The following HAUS6 variants were observed in gnomAD, a reference collection of about 807,000 sequenced individuals.
HAUS6 encodes the protein HAUS augmin-like complex subunit 6.
HAUS6 carries 80 observed loss-of-function variants against 106.8 expected under a neutral mutation model. The observed-to-expected ratio is 0.75, with a 90% CI of 0.63 to 0.90. HAUS6 has a LOEUF of 0.90. Among genes scored for constraint, HAUS6 ranks in the 40% least tolerant of loss-of-function variants. HAUS6 has a pLI of 0.00. For synonymous variants in HAUS6, 356 were observed against 379.1 expected (o/e 0.94, Z 0.71); for missense variants, 1,155 against 1,118.1 (o/e 1.03, Z -0.47).
chr9:19,099,017 CAAAAAAA>C (rs377024544), intron 1 of HAUS6, among the ~76,000 whole-genome samples: 1 of 90,686 alleles, frequency 1.1e-5, no homozygotes, highest in Admixed American at 1.2e-4. Flanking sequence ...AACTCCATCT[CAAAAAAA>C]AAAAAAAAAA....
chr9:19,080,525 C>G lies in HAUS6; in HGVS notation c.1018G>C (p.Glu340Gln), dbSNP rs778993432. The G allele has an allele frequency of 1.9e-6, 3 of 1,609,550 alleles. No homozygotes were observed. Among genetic ancestry groups the G allele is most frequent in the Non-Finnish European group, 2.5e-6 (3 of 1,177,760 alleles). ...AATCTTTCCTTCTGAAATTTGGTCT[C>G]TTTTTCAAGGTAGTGAAGGTCTACC... Reference protein sequence around the residue: ...LTVDLHYLEKETKFQKERLSD... With the variant: ...LTVDLHYLEKQTKFQKERLSD... The change falls in exon 9 of 17, where the codon GAG (glutamate) becomes CAG (glutamine). Residue 340 changes from glutamate (E) to glutamine (Q), a missense_variant. Physicochemically the swap from Glu to Gln is conservative, Grantham distance 29. This residue lies in a region of HAUS6 where 761 missense variants were observed against 690.0 expected (regional missense o/e 1.10). Transcript: ENST00000380502.
At chr9:19,062,825 T>G (rs1037943521) in intron 14 of HAUS6, among the ~76,000 whole-genome samples, 183 bp downstream of exon 14, 6 of 152,018 alleles carry the variant, frequency 3.9e-5, no homozygotes, top group Non-Finnish European at 4.4e-5. Flanking sequence ...GCCCCCATGC[T>G]CAACTGTTTT....
intron 1 of HAUS6, among the ~76,000 whole-genome samples, chr9:19,097,202 T>A (rs1468046721): frequency 6.6e-6 from 1 of 152,188 alleles, no homozygotes; most frequent in Admixed American, 6.5e-5. Flanking sequence ...AAGGACTGCA[T>A]GTCTAAAACA....
In HAUS6 at chr9:19,080,495, C is replaced by A; in HGVS notation, c.1048G>T (p.Asp350Tyr). The A allele has an allele frequency of 6.2e-7, 1 of 1,605,942 alleles. No homozygotes were observed. The highest frequency in any genetic ancestry group is 8.5e-7 in the Non-Finnish European group (1 of 1,174,456). The change falls in exon 9 of 17, where the codon GAT becomes TAT. Residue 350 changes from aspartate (D) to tyrosine (Y), a missense_variant. Asp to Tyr is a radical substitution (Grantham distance 160, BLOSUM62 -3). Around this residue, in one of 3 missense-constraint regions of HAUS6, gnomAD observed 761 missense variants for 690.0 expected, o/e 1.10. Transcript: ENST00000380502. ...TTAGTGTACCTCATATGTTTCAGAT[C>A]TGATAATCTTTCCTTCTGAAATTTG... ...ETKFQKERLS[D>Y]LKHMRYRIKD... is the part of the protein sequence containing the mutation.
At chr9:19,084,180 C>T (rs1283823433) in intron 7 of HAUS6, among the ~76,000 whole-genome samples, 1 of 151,960 alleles carries the variant, frequency 6.6e-6, no homozygotes, top group African/African-American at 2.4e-5. Flanking sequence ...GAACACTAAG[C>T]AGCAATGAGA....
chr9:19,077,395 C>T (rs1189426194), intron 10 of HAUS6, among the ~76,000 whole-genome samples: 1 of 152,064 alleles, frequency 6.6e-6, no homozygotes, highest in Non-Finnish European at 1.5e-5. Context: ...ATTAGCCGAG[C>T]GTGGTGGCGG....
chr9:19,084,792 CA>C (rs1341193152), intron 7 of HAUS6, among the ~76,000 whole-genome samples: 1 of 148,608 alleles, frequency 6.7e-6, no homozygotes, highest in Non-Finnish European at 1.5e-5. Flanking sequence ...ACCACCACAC[CA>C]GACTACTTTT....
intron 4 of HAUS6, among the ~76,000 whole-genome samples, chr9:19,092,840 G>T (rs1389567126): frequency 6.7e-6 from 1 of 150,140 alleles, no homozygotes; most frequent in East Asian, 1.9e-4. Flanking sequence ...CAGGAAAATT[G>T]CTTGAACCTG....
chr9:19,088,235 C>G (rs747716949), intron 5 of HAUS6, among the ~76,000 whole-genome samples: 6 of 151,416 alleles, frequency 4.0e-5, no homozygotes, highest in Non-Finnish European at 8.8e-5. Flanking sequence ...GCCAACATGG[C>G]GAAACCCCTT....
chr9:19,085,253 A>T (rs943813410), intron 7 of HAUS6, among the ~76,000 whole-genome samples: 1 of 152,186 alleles, frequency 6.6e-6, no homozygotes, highest in African/African-American at 2.4e-5. Flanking sequence ...ACAATGGCTC[A>T]AAGTTGACTG....
chr9:19,081,760 CAT>C (rs1837156081), intron 8 of HAUS6, among the ~76,000 whole-genome samples: 1 of 151,978 alleles, frequency 6.6e-6, no homozygotes, highest in Non-Finnish European at 1.5e-5. Flanking sequence ...CTTTTTAAAT[CAT>C]AGATTTCACA....
At chr9:19,079,678 G>C (rs149695443) in intron 9 of HAUS6, among the ~76,000 whole-genome samples, 3 of 152,040 alleles carry the variant, frequency 2.0e-5, no homozygotes, top group Admixed American at 6.6e-5. Flanking sequence ...TGAGGCAGGC[G>C]GATCACCTGA....
intron 8 of HAUS6, among the ~76,000 whole-genome samples, chr9:19,081,831 G>A (rs561737876): frequency 9.9e-5 from 15 of 151,954 alleles, no homozygotes; most frequent in African/African-American, 3.1e-4. Flanking sequence ...TTTGGGGGCC[G>A]AGGCAAGAGG....
At chr9:19,061,347 C>A (rs1836614402) in intron 14 of HAUS6, among the ~76,000 whole-genome samples, 1 of 152,160 alleles carries the variant, frequency 6.6e-6, no homozygotes, top group South Asian at 2.1e-4. Context: ...AGACTTTCCT[C>A]TTCTATCTGA....
intron 7 of HAUS6, among the ~76,000 whole-genome samples, chr9:19,084,413 T>C (rs1297292158): frequency 6.6e-6 from 1 of 152,144 alleles, no homozygotes; most frequent in Non-Finnish European, 1.5e-5. Flanking sequence ...GCTGGTAACA[T>C]CCTATTCCTT....
chr9:19,070,391 C>A lies in HAUS6; in HGVS notation c.1295-91G>T, dbSNP rs376963417. On this transcript the variant is annotated intron_variant, in intron 11 of 16. Coordinates refer to ENST00000380502, the MANE Select transcript of HAUS6 (RefSeq NM_017645.5). ...TTGAAATTCGAGAACAACTTGTAAA[C>A]AGAAGAAAACAGAAAAACCAAAATA... 103 of 727,156 alleles carry A rather than the reference C, an allele frequency of 1.4e-4. No individual in the cohort carries two copies. In the East Asian group the frequency reaches 1.7e-3, roughly 12 times the overall value. The allele number at this position is 727,156 out of a possible 1,614,324, so 45.0% of individuals were successfully genotyped here.
chr9:19,088,380 C>G (rs1297732713), intron 5 of HAUS6, among the ~76,000 whole-genome samples: 3 of 149,278 alleles, frequency 2.0e-5, no homozygotes, highest in African/African-American at 7.4e-5. Flanking sequence ...TGTGACACTG[C>G]GCTCCAGCCA....
intron 1 of HAUS6, among the ~76,000 whole-genome samples, chr9:19,099,302 G>A (rs1382855957): frequency 1.3e-5 from 2 of 151,662 alleles, no homozygotes; most frequent in African/African-American, 4.8e-5. Flanking sequence ...GAATAGCTGC[G>A]ACTACAGGCG....
At chr9:19,085,654 TCA>T (rs1405558572) in intron 7 of HAUS6, among the ~76,000 whole-genome samples, 2 of 151,416 alleles carry the variant, frequency 1.3e-5, no homozygotes, top group African/African-American at 4.9e-5. Context: ...AATACTTAAC[TCA>T]CATCAAAGCC....
Sources: allele counts gnomAD v4.1 joint callset (sites outside exome capture counted in the v4.1 genomes callset), GRCh38; gene constraint gnomAD v4.1.1; regional missense constraint gnomAD v4.1.1; transcripts MANE v1.5; gene names NCBI Gene and HGNC (gene_info 2026-07-23, HGNC 2026-07-21).